Variants in ACACA observed in about 807,000 individuals in gnomAD.
The protein encoded by ACACA is acetyl-CoA carboxylase alpha.
ACACA carries 103 observed loss-of-function variants against 296.1 expected under a neutral mutation model. The observed-to-expected ratio is 0.35, with a 90% CI of 0.30 to 0.41. The LOEUF is 0.41. ACACA is among the 10% of genes least tolerant of loss of function. The pLI is 1.00. For missense variants in ACACA, 1,554 were observed against 2,989.7 expected, an observed-to-expected ratio of 0.52 and a Z score of 11.20; for synonymous variants, 953 against 1,038.6, an observed-to-expected ratio of 0.92 and a Z score of 1.58.
At chr17:37,324,468 G>C (rs1027567764) in intron 3 of ACACA, among the ~76,000 whole-genome samples, 4 of 146,858 alleles carry the variant, frequency 2.7e-5, no homozygotes, top group African/African-American at 1.0e-4. Flanking sequence ...TCGGGAGTTT[G>C]AGACCAGCCT....
At chr17:37,324,610 C>T (rs1407105108) in intron 3 of ACACA, among the ~76,000 whole-genome samples, 44 of 146,894 alleles carry the variant, frequency 3.0e-4, no homozygotes, top group African/African-American at 1.1e-3. Flanking sequence ...GCAGAGGTTG[C>T]AGTGAGCTGA....
At chr17:37,252,856 C>T in intron 15 of ACACA, 30 bp downstream of exon 15, 1 of 1,613,672 alleles carries the variant, frequency 6.2e-7, no homozygotes, top group Non-Finnish European at 8.5e-7. Context: ...AAAACCCAAT[C>T]CCAGCATCTG....
chr17:37,117,626 A>AAATATTC (rs2074318864), intron 50 of ACACA, among the ~76,000 whole-genome samples: 1 of 152,196 alleles, frequency 6.6e-6, no homozygotes, highest in Non-Finnish European at 1.5e-5. Flanking sequence ...TCTTCCATCT[A>AAATATTC]AATATTCAGC....
intron 3 of ACACA, among the ~76,000 whole-genome samples, chr17:37,312,186 G>C (rs1179567493): frequency 2.0e-5 from 3 of 152,090 alleles, no homozygotes; most frequent in African/African-American, 7.2e-5. Flanking sequence ...GAGAGACACA[G>C]GAAAAGAGAC....
At chr17:37,360,729 GAT>G (rs1018859965) in intron 1 of ACACA, among the ~76,000 whole-genome samples, 1 of 152,190 alleles carries the variant, frequency 6.6e-6, no homozygotes, top group African/African-American at 2.4e-5. Flanking sequence ...ACTTAGGAAA[GAT>G]GTGGACTTTA....
chr17:37,177,500 A>G (rs2077164959), intron 41 of ACACA, among the ~76,000 whole-genome samples: 1 of 152,202 alleles, frequency 6.6e-6, no homozygotes, highest in African/African-American at 2.4e-5. Context: ...CAGGAAAGAA[A>G]GATCATGGCA....
intron 45 of ACACA, among the ~76,000 whole-genome samples, chr17:37,136,315 C>T (rs980477835): frequency 6.6e-6 from 1 of 152,092 alleles, no homozygotes; most frequent in East Asian, 1.9e-4. Flanking sequence ...CAGTACATAG[C>T]CTTTTGAATC....
intron 5 of ACACA, among the ~76,000 whole-genome samples, chr17:37,278,808 A>G (rs1014778621): frequency 2.0e-5 from 3 of 152,232 alleles, no homozygotes; most frequent in East Asian, 1.9e-4. Flanking sequence ...AATTTATTTT[A>G]GCTTTCAAAT....
chr17:37,321,917 T>C (rs1052922861), intron 3 of ACACA, among the ~76,000 whole-genome samples: 1 of 143,440 alleles, frequency 7.0e-6, no homozygotes, highest in Non-Finnish European at 1.5e-5. Flanking sequence ...GCACCCAGCC[T>C]GGGCGACAGA....
intron 1 of ACACA, among the ~76,000 whole-genome samples, chr17:37,403,662 G>A (rs2147858508): frequency 6.6e-6 from 1 of 152,272 alleles, no homozygotes; most frequent in South Asian, 2.1e-4. Context: ...CCAGGTGTGA[G>A]GCACCGTGTC....
At chr17:37,158,193 G>C (rs544491993) in intron 42 of ACACA, among the ~76,000 whole-genome samples, 1 of 152,256 alleles carries the variant, frequency 6.6e-6, no homozygotes, top group South Asian at 2.1e-4. Context: ...ACACATTAAA[G>C]GAAGATTAGA....
At chr17:37,319,633 G>T (rs2047251694) in intron 3 of ACACA, among the ~76,000 whole-genome samples, 1 of 151,458 alleles carries the variant, frequency 6.6e-6, no homozygotes, top group East Asian at 2.0e-4. Flanking sequence ...GACCACCCTG[G>T]GCAACGTGGT....
chr17:37,194,903 C>T (rs996857437), intron 35 of ACACA, among the ~76,000 whole-genome samples: 6 of 152,010 alleles, frequency 3.9e-5, no homozygotes, highest in African/African-American at 1.4e-4. Context: ...TGAACTTCTC[C>T]TCAAGTTTTG....
intron 1 of ACACA, among the ~76,000 whole-genome samples, chr17:37,380,515 C>T (rs182218924): frequency 3.4e-4 from 51 of 152,172 alleles, no homozygotes; most frequent in Middle Eastern, 3.4e-3. Context: ...CTCTAAGATC[C>T]CTTCTAGCCC....
intron 3 of ACACA, among the ~76,000 whole-genome samples, chr17:37,321,665 G>A (rs974855150): frequency 6.6e-6 from 1 of 151,994 alleles, no homozygotes; most frequent in Non-Finnish European, 1.5e-5. Flanking sequence ...GGAGAATGGC[G>A]TGAACCCAGG....
intron 11 of ACACA, among the ~76,000 whole-genome samples, chr17:37,261,363 A>G (rs1031739016): frequency 5.3e-5 from 8 of 152,268 alleles, no homozygotes; most frequent in African/African-American, 1.4e-4. Context: ...AAAAGTTTCT[A>G]TATCTAGAAG....
chr17:37,280,940 T>C (rs1175826816), intron 5 of ACACA, among the ~76,000 whole-genome samples: 1 of 152,216 alleles, frequency 6.6e-6, no homozygotes, highest in Non-Finnish European at 1.5e-5. Flanking sequence ...GTCATACCTT[T>C]ATGCATTTGC....
intron 5 of ACACA, among the ~76,000 whole-genome samples, chr17:37,280,730 A>AAC (rs71979048): frequency 0.27 from 39,218 of 146,310 alleles, 5,732 homozygotes; most frequent in Middle Eastern, 0.41. Flanking sequence ...TTACATAGTT[A>AAC]ACACACACAC....
chr17:37,109,762 C>G (rs1321138484), intron 52 of ACACA, among the ~76,000 whole-genome samples: 1 of 152,172 alleles, frequency 6.6e-6, no homozygotes, highest in African/African-American at 2.4e-5. Flanking sequence ...AGCTTTATCT[C>G]CACACCCCTC....
Sources: gnomAD v4.1 joint callset for allele counts (sites outside exome capture counted in the v4.1 genomes callset) on GRCh38, gnomAD v4.1.1 for gene constraint, MANE v1.5 for transcripts, NCBI Gene and HGNC (gene_info 2026-07-23, HGNC 2026-07-21) for gene names.